The following MAPKAPK5 variants were observed in gnomAD, a reference collection of about 807,000 sequenced individuals.
The protein encoded by MAPKAPK5 is MAPK activated protein kinase 5, also known as MAP kinase-activated protein kinase 5.
In MAPKAPK5, 30 loss-of-function variants were observed where a neutral mutation model predicts 65.1. The observed-to-expected ratio is 0.46, with a 90% CI of 0.34 to 0.63. The LOEUF is 0.63. MAPKAPK5 is among the 20% of genes least tolerant of loss of function. The probability of loss-of-function intolerance (pLI) is 0.01; values close to 1 mark genes in which losing one functional copy is unlikely to be tolerated. For missense variants in MAPKAPK5, 433 were observed against 581.4 expected (o/e 0.74, Z 2.63); for synonymous variants, 179 against 204.6 (o/e 0.87, Z 1.07).
rs1278593312 is a variant in MAPKAPK5, at chr12:111,900,407, CTTTT to C, written c.*7347_*7350del. 1.5e-5 allele frequency: 7 copies of C among 455,972 alleles called. No homozygotes were observed. In the Admixed American group the frequency reaches 1.6e-4, roughly 11 times the overall value. 28.2% of individuals were successfully genotyped at this position (455,972 alleles called of 1,614,324 possible). On this transcript the variant is annotated 3_prime_UTR_variant, in exon 14 of 14. Transcript: ENST00000550735. ...GTATTCAGCACGACCACTCGGCCTGCTTTTGTAAAGATAAGCACTTTTGCCTCAT... is the reference window on the plus strand; with the variant it reads ...GTATTCAGCACGACCACTCGGCCTGCGTAAAGATAAGCACTTTTGCCTCAT...
chr12:111,847,919 C>T (rs911844814), intron 1 of MAPKAPK5, among the ~76,000 whole-genome samples: 1 of 152,216 alleles, frequency 6.6e-6, no homozygotes, highest in Non-Finnish European at 1.5e-5. Flanking sequence ...TCAGGTTCAT[C>T]CACGTTAGTG....
chr12:111,872,746 C>T (rs984847406), intron 7 of MAPKAPK5, among the ~76,000 whole-genome samples: 1 of 152,174 alleles, frequency 6.6e-6, no homozygotes, highest in Non-Finnish European at 1.5e-5. Context: ...CCTTCATCAT[C>T]AGAGCCAGTA....
intron 1 of MAPKAPK5, among the ~76,000 whole-genome samples, chr12:111,846,926 A>G (rs2068923011): frequency 6.6e-6 from 1 of 152,168 alleles, no homozygotes; most frequent in South Asian, 2.1e-4. Context: ...CTTAGTAGTC[A>G]TCTTGGTTAT....
chr12:111,855,916 C>A (rs1196156329), intron 1 of MAPKAPK5, among the ~76,000 whole-genome samples: 2 of 146,542 alleles, frequency 1.4e-5, no homozygotes, highest in Admixed American at 1.4e-4. Flanking sequence ...AGTGCAATGG[C>A]GTGATCTTGG....
In MAPKAPK5 at chr12:111,880,479, G is replaced by C. The variant is rs1369989238; in HGVS notation, c.612G>C (p.Glu204Asp). The C allele has an allele frequency of 6.2e-7, 1 of 1,613,766 alleles. No individual in the cohort carries two copies. Among genetic ancestry groups the C allele is most frequent in the Non-Finnish European group, 8.5e-7 (1 of 1,179,858 alleles). Residue 204 changes from glutamate (E) to aspartate (D), a missense_variant, in exon 8 of 14, where the codon GAG (glutamate) becomes GAC (aspartate). By Grantham distance (45) the Glu-to-Asp change is conservative. This residue lies in a region of MAPKAPK5 where 99 missense variants were observed against 185.8 expected (regional missense o/e 0.53). Transcript: ENST00000550735. Reference sequence around the variant, plus strand: ...AGGCGCAAAGAAGGCATCAGAAGGAGAAATCTGGCATCATACCTACCTCAC... The same window carrying C: ...AGGCGCAAAGAAGGCATCAGAAGGACAAATCTGGCATCATACCTACCTCAC... The part of the protein sequence containing the change: ...VLEAQRRHQK[E>D]KSGIIPTSPT...
In MAPKAPK5 at chr12:111,847,922, C is replaced by T. The variant is rs569147589; in HGVS notation, c.36+5153C>T. On this transcript the variant is annotated intron_variant, in intron 1 of 13. Coordinates refer to ENST00000550735, the MANE Select transcript of MAPKAPK5 (RefSeq NM_003668.4). Reference sequence around the variant, plus strand: ...TTAGCAAATTTCTCAGGTTCATCCACGTTAGTGCATGCTTTAGCAGTTCAT... The same window carrying T: ...TTAGCAAATTTCTCAGGTTCATCCATGTTAGTGCATGCTTTAGCAGTTCAT... Among the ~76,000 whole-genome samples, 5 of 152,320 alleles carry T rather than the reference C, an allele frequency of 3.3e-5. No homozygotes were observed. The South Asian group carries it at 6.2e-4, about 19-fold the overall frequency.
rs2069689080 is a variant in MAPKAPK5, at chr12:111,868,757, C to T, written c.289C>T (p.Arg97Ter). Residue 97 changes from arginine to a stop codon, truncating the protein, a stop_gained, in exon 5 of 14, where the codon CGA becomes TGA. Coordinates refer to ENST00000550735, the MANE Select transcript of MAPKAPK5 (RefSeq NM_003668.4). LOFTEE classifies it high-confidence loss of function. ...AAATCAAATGCTTTCAAACAGGGCC[C>T]GACTCTTAATTGTAATGGAGATGAT... ...QFPHESSPRA[R>*]LLIVMEMMEG... The T allele has an allele frequency of 6.4e-7, 1 of 1,552,336 alleles. No individual in the cohort carries two copies. Among genetic ancestry groups the T allele is most frequent in the Non-Finnish European group, 8.7e-7 (1 of 1,148,038 alleles).
At chr12:111,869,662 C>T (rs186794200) in intron 5 of MAPKAPK5, among the ~76,000 whole-genome samples, 58 of 152,236 alleles carry the variant, frequency 3.8e-4, no homozygotes, top group African/African-American at 1.4e-3. Flanking sequence ...AAAATCTGTT[C>T]TTTCTGTTTG....
At position 111,894,680 on chromosome 12, in the gene MAPKAPK5, G is replaced by A. The variant is rs1375432294; in HGVS notation, c.*1619G>A. 3 of 151,976 alleles carry A rather than the reference G, an allele frequency of 2.0e-5. No homozygotes were observed. Among genetic ancestry groups the A allele is most frequent in the African/African-American group, 7.2e-5 (3 of 41,446 alleles). The allele number at this position is 151,976 out of a possible 1,614,324, so 9.4% of individuals were successfully genotyped here. A position where few individuals can be genotyped will look rare whatever the true frequency, so the allele number is the denominator to read the frequency against. ...AAGCATGGTTTTGGCCCCGAGAGCA[G>A]CTGTTTGAAGGAAAAATAAGGCTAG... On this transcript the variant is annotated 3_prime_UTR_variant, in exon 14 of 14. Coordinates refer to ENST00000550735, the MANE Select transcript of MAPKAPK5 (RefSeq NM_003668.4).
At chr12:111,859,727 G>A (rs933933491) in intron 1 of MAPKAPK5, among the ~76,000 whole-genome samples, 1 of 149,398 alleles carries the variant, frequency 6.7e-6, no homozygotes, top group African/African-American at 2.5e-5. Context: ...TCAGCTCACT[G>A]CAGCCTCTGC....
chr12:111,877,649 T>A, intron 7 of MAPKAPK5, among the ~76,000 whole-genome samples: 1 of 152,308 alleles, frequency 6.6e-6, no homozygotes, highest in South Asian at 2.1e-4. Context: ...TTACTGAATT[T>A]GAGAGTTCTT....
At chr12:111,889,066 G>C in intron 12 of MAPKAPK5, 66 bp downstream of exon 12, 1 of 1,497,988 alleles carries the variant, frequency 6.7e-7, no homozygotes, top group Non-Finnish European at 9.1e-7. Flanking sequence ...GGGTGGGTGG[G>C]TGTATGCATG....
In MAPKAPK5 at chr12:111,867,621, T is replaced by C; in HGVS notation, c.236T>C (p.Ile79Thr). 1.9e-6 allele frequency: 3 copies of C among 1,613,988 alleles called. No homozygotes were observed. Among genetic ancestry groups the C allele is most frequent in the Non-Finnish European group, 2.5e-6 (3 of 1,179,882 alleles). The change falls in exon 4 of 14, where the codon ATT (isoleucine) becomes ACT (threonine). Residue 79 changes from isoleucine (I) to threonine (T), a missense_variant. Transcript: ENST00000550735. ...CATHPNIVQI[I>T]EVFANSVQFP... ...ACACACCCAAACATAGTTCAGATTA[T>C]TGAAGTGTTTGCTAACAGTGTCCAG...
chr12:111,847,189 CAAAA>C (rs759499761), intron 1 of MAPKAPK5, among the ~76,000 whole-genome samples: 1 of 149,890 alleles, frequency 6.7e-6, no homozygotes, highest in African/African-American at 2.5e-5. Flanking sequence ...CTAAAAAAAA[CAAAA>C]AAAAATTAGC....
intron 1 of MAPKAPK5, among the ~76,000 whole-genome samples, chr12:111,861,488 C>T (rs1047564162): frequency 1.1e-4 from 16 of 152,042 alleles, no homozygotes; most frequent in Middle Eastern, 3.4e-3. Flanking sequence ...CCACCACACC[C>T]GGCTAATTTT....
rs2069603436 is a variant in MAPKAPK5 at position 111,866,160 on chromosome 12, T to C, written c.115T>C (p.Cys39Arg). Reference sequence around the variant, plus strand: ...ATTTTTTTTCTCCAAATCTAGAGTCTGTGTAAAGAAATCTACTCAAGAACG... The same window carrying C: ...ATTTTTTTTCTCCAAATCTAGAGTCCGTGTAAAGAAATCTACTCAAGAACG... ...GAGISGPVRV[C>R]VKKSTQERFA... The change falls in exon 3 of 14, where the codon TGT (cysteine) becomes CGT (arginine). Residue 39 changes from cysteine (C) to arginine (R), a missense_variant. Around this residue, in one of 3 missense-constraint regions of MAPKAPK5, gnomAD observed 165 missense variants for 180.0 expected, o/e 0.92. Transcript: ENST00000550735. The C allele has an allele frequency of 6.2e-7, 1 of 1,605,324 alleles. No individual in the cohort carries two copies. Among genetic ancestry groups the C allele is most frequent in the African/African-American group, 1.3e-5 (1 of 74,642 alleles).
At chr12:111,866,254 AATT>A in intron 3 of MAPKAPK5, 23 bp downstream of exon 3, 1 of 1,591,732 alleles carries the variant, frequency 6.3e-7, no homozygotes, top group Non-Finnish European at 8.6e-7. Context: ...GCCTCGACTT[AATT>A]AAATAGTTGA....
intron 4 of MAPKAPK5, 139 bp from the exon 5 acceptor site, chr12:111,868,612 CTG>C: frequency 3.2e-6 from 2 of 615,434 alleles, no homozygotes; most frequent in Non-Finnish European, 5.5e-6. Context: ...CTCTTAGTAA[CTG>C]TGTTACCCTG....
In MAPKAPK5 at chr12:111,883,436, T is replaced by C. The variant is rs1593177171; in HGVS notation, c.661-145T>C. The C allele has an allele frequency of 1.6e-6, 1 of 626,490 alleles. No homozygotes were observed. The highest frequency in any genetic ancestry group is 2.7e-5 in the East Asian group (1 of 37,134). The allele number at this position is 626,490 out of a possible 1,614,324, so 38.8% of individuals were successfully genotyped here. ...AGATAAAGACTAGTTCTCCTAAGAC[T>C]TCCTTCAGCTTTCCTAGTCTCTGTT... On this transcript the variant is annotated intron_variant, in intron 8 of 13. Transcript: ENST00000550735. This position sits in a 1 kb window ranked among gnomAD's most constrained non-coding sequence, Gnocchi z 4.8.
Sources: gnomAD v4.1 joint callset for allele counts (sites outside exome capture counted in the v4.1 genomes callset) on GRCh38, gnomAD v4.1.1 for gene constraint, gnomAD v4.1.1 regional missense constraint, Gnocchi (gnomAD v3.1) non-coding constraint, MANE v1.5 for transcripts, NCBI Gene and HGNC (gene_info 2026-07-23, HGNC 2026-07-21) for gene names.